The following UNC79 variants were observed in gnomAD, a reference collection of about 807,000 sequenced individuals.
UNC79 encodes protein unc-79 homolog.
A neutral mutation model predicts 283.1 loss-of-function variants in UNC79; 37 were observed. The observed-to-expected ratio is 0.13, with a 90% CI of 0.10 to 0.17. The LOEUF (loss-of-function observed/expected upper bound fraction) is 0.17, where lower values mean the gene tolerates loss of function less well. Ranked by LOEUF, UNC79 falls within the 10% of genes least tolerant of loss-of-function variation. The probability of loss-of-function intolerance (pLI) is 1.00; values close to 1 mark genes in which losing one functional copy is unlikely to be tolerated. For missense variants in UNC79, 2,272 were observed against 3,211.1 expected, an observed-to-expected ratio of 0.71 and a Z score of 7.07; for synonymous variants, 1,107 against 1,200.2, an observed-to-expected ratio of 0.92 and a Z score of 1.61.
Position 93,497,268 on chromosome 14 carries a change from A to AGGGGGTTGCAGTACACAGGTAAGAG in UNC79, c.882_898+8dup. 1.2e-6 allele frequency: 2 copies of AGGGGGTTGCAGTACACAGGTAAGAG among 1,612,808 alleles called. No individual in the cohort carries two copies. Among genetic ancestry groups the AGGGGGTTGCAGTACACAGGTAAGAG allele is most frequent in the Non-Finnish European group, 8.5e-7 (1 of 1,179,980 alleles). ...ACCTCCTGGGGCAATAAGCGAGTAC[A>AGGGGGTTGCAGTACACAGGTAAGAG]GGGGGTTGCAGTACACAGGTAAGAG... On this transcript the variant is annotated frameshift_variant, in exon 7 of 49. Coordinates refer to ENST00000555664, the Ensembl canonical transcript of UNC79. LOFTEE classifies it high-confidence loss of function.
chr14:93,646,881 C>T (rs1003934819), intron 35 of UNC79, among the ~76,000 whole-genome samples: 1 of 152,154 alleles, frequency 6.6e-6, no homozygotes, highest in Middle Eastern at 3.2e-3. Context: ...CCAGCTTGTG[C>T]ACCACGGAGG....
chr14:93,691,958 G>C lies in UNC79; in HGVS notation c.7470+12G>C. The C allele has an allele frequency of 2.5e-6, 4 of 1,613,258 alleles. No homozygotes were observed. The highest frequency in any genetic ancestry group is 3.4e-6 in the Non-Finnish European group (4 of 1,179,236). On this transcript the variant is annotated intron_variant, in intron 46 of 48. Transcript: ENST00000555664. ...CCCATAACAAAGTGGTGAGTTCACA[G>C]ACGAGTTTCCCTTCTGAGATGGAAT...
chr14:93,560,212 G>T (rs928678565), intron 14 of UNC79, among the ~76,000 whole-genome samples: 1 of 152,190 alleles, frequency 6.6e-6, no homozygotes, highest in Admixed American at 6.5e-5. Flanking sequence ...CAATTAGAGA[G>T]TGCCCAAGGG....
chr14:93,487,745 A>G lies in UNC79; in HGVS notation c.702A>G (p.Thr234=), dbSNP rs200509146. 9.5e-5 allele frequency: 154 copies of G among 1,613,308 alleles called. No homozygotes were observed. The East Asian group carries it at 1.8e-3, about 18-fold the overall frequency. The stretch of plus-strand genomic sequence containing the variant: ...TGCTAATGATTGCAATGCAGTACAC[A>G]TCCAATCCAGGTAAGTGGAAATTGG... The change falls in exon 5 of 49, where the codon ACA becomes ACG. Residue 234 remains threonine (T), a synonymous_variant. Coordinates refer to ENST00000555664, the Ensembl canonical transcript of UNC79.
At chr14:93,369,635 G>C (rs1243625901) in intron 1 of UNC79, among the ~76,000 whole-genome samples, 4 of 152,102 alleles carry the variant, frequency 2.6e-5, no homozygotes, top group African/African-American at 9.7e-5. Flanking sequence ...AATATTCCTG[G>C]GGACCTAGTC....
chr14:93,519,660 A>G (rs1001070189), intron 7 of UNC79, among the ~76,000 whole-genome samples: 1 of 151,328 alleles, frequency 6.6e-6, no homozygotes, highest in Non-Finnish European at 1.5e-5. Context: ...CCTTTTTTGA[A>G]TTAATTATTT....
At chr14:93,707,666 T>C (rs1476743106), downstream of UNC79, 1 of 152,258 alleles carries the variant, frequency 6.6e-6, no homozygotes, top group Non-Finnish European at 1.5e-5. Context: ...AGTCCCTCAC[T>C]GGCACAGTGC....
intron 7 of UNC79, among the ~76,000 whole-genome samples, chr14:93,498,245 T>C (rs2059112507): frequency 6.6e-6 from 1 of 151,478 alleles, no homozygotes; most frequent in African/African-American, 2.4e-5. Flanking sequence ...CCAGCCTGGG[T>C]GACTGAGCCA....
Position 93,517,917 on chromosome 14 carries a change from GTC to G in UNC79, c.899-6059_899-6058del, listed in dbSNP as rs1297215499. 4.5e-5 allele frequency among the ~76,000 whole-genome samples: 3 copies of G among 66,846 alleles called. No individual in the cohort carries two copies. In the East Asian group the frequency reaches 1.1e-3, roughly 25 times the overall value. 43.9% of individuals were successfully genotyped at this position (66,846 alleles called of 152,430 possible). On this transcript the variant is annotated intron_variant, in intron 7 of 48. Coordinates refer to ENST00000555664, the Ensembl canonical transcript of UNC79. ...TATATGTGAGTGTGTGTGTGTGTGT[GTC>G]TGTGTGTGTGTGTGTGTGTGTGAAA...
intron 1 of UNC79, among the ~76,000 whole-genome samples, chr14:93,445,609 T>C (rs2056438420): frequency 6.6e-6 from 1 of 152,228 alleles, no homozygotes; most frequent in African/African-American, 2.4e-5. Context: ...GAAATCAGGA[T>C]AAAATTGGCT....
At chr14:93,520,238 G>C (rs911705133) in intron 7 of UNC79, among the ~76,000 whole-genome samples, 1 of 151,636 alleles carries the variant, frequency 6.6e-6, no homozygotes, top group Non-Finnish European at 1.5e-5. Context: ...ATTGTCTTCT[G>C]GCTTGCATTG....
intron 1 of UNC79, among the ~76,000 whole-genome samples, chr14:93,352,272 A>G (rs1233324840): frequency 6.6e-6 from 1 of 152,122 alleles, no homozygotes; most frequent in Non-Finnish European, 1.5e-5. Flanking sequence ...TTTGCTGCCA[A>G]TTTTGAACTT....
At chr14:93,689,825 G>C (rs2074551436) in intron 44 of UNC79, 2 of 336,708 alleles carry the variant, frequency 5.9e-6, no homozygotes, top group East Asian at 1.1e-4. Flanking sequence ...GGAGTGGAAA[G>C]GGTTTAGAAA....
chr14:93,396,385 A>T (rs1216116686), intron 1 of UNC79, among the ~76,000 whole-genome samples: 1 of 152,108 alleles, frequency 6.6e-6, no homozygotes, highest in Non-Finnish European at 1.5e-5. Flanking sequence ...TAGATTATTG[A>T]AGTCTTTGTA....
intron 1 of UNC79, among the ~76,000 whole-genome samples, chr14:93,336,575 T>C (rs2053581919): frequency 6.6e-6 from 1 of 152,146 alleles, no homozygotes; most frequent in Non-Finnish European, 1.5e-5. Flanking sequence ...ACTCCTGACC[T>C]CGTGATCCGC....
At chr14:93,652,135 C>G (rs568989658) in intron 35 of UNC79, among the ~76,000 whole-genome samples, 1 of 151,856 alleles carries the variant, frequency 6.6e-6, no homozygotes, top group Non-Finnish European at 1.5e-5. Flanking sequence ...AGAGTCGGCA[C>G]CCTTTTCTTG....
Position 93,673,560 on chromosome 14 carries a change from G to A in UNC79, c.6741+105G>A, listed in dbSNP as rs8021237. ...GCATAGAACTAAATATCTTTGCTTA[G>A]AGATGATAAATAATATATCTTATAT... On this transcript the variant is annotated intron_variant, in intron 41 of 48. Coordinates refer to ENST00000555664, the Ensembl canonical transcript of UNC79. 5,140 of 855,002 alleles carry A rather than the reference G, an allele frequency of 6.0e-3. 155 individuals carry two copies. The African/African-American group carries it at 0.071, about 12-fold the overall frequency. 53.0% of individuals were successfully genotyped at this position (855,002 alleles called of 1,614,324 possible). A position where few individuals can be genotyped will look rare whatever the true frequency, so the allele number is the denominator to read the frequency against.
At chr14:93,599,967 C>A (rs1264376584) in intron 24 of UNC79, among the ~76,000 whole-genome samples, 2 of 151,382 alleles carry the variant, frequency 1.3e-5, no homozygotes, top group African/African-American at 4.9e-5. Flanking sequence ...TTTGGGAGGC[C>A]AAGGAGGGCA....
At chr14:93,348,691 GTCT>G (rs1201822249) in intron 1 of UNC79, among the ~76,000 whole-genome samples, 3 of 152,100 alleles carry the variant, frequency 2.0e-5, no homozygotes, top group Non-Finnish European at 2.9e-5. Flanking sequence ...TCTTCTCTTA[GTCT>G]TCTGTGAGGT....
Sources: allele counts gnomAD v4.1 joint callset (sites outside exome capture counted in the v4.1 genomes callset), GRCh38; gene constraint gnomAD v4.1.1; transcripts MANE v1.5; gene names NCBI Gene and HGNC (gene_info 2026-07-23, HGNC 2026-07-21).